NRG1: variants seen among roughly 807,000 people sequenced by gnomAD.
The protein encoded by NRG1 is neuregulin 1.
A neutral mutation model predicts 63.8 loss-of-function variants in NRG1; 18 were observed. The ratio of observed to expected loss-of-function variants is 0.28; its 90% CI spans 0.19 to 0.42. NRG1 has a LOEUF of 0.42. Ranked by LOEUF, NRG1 falls within the 10% of genes least tolerant of loss-of-function variation. The pLI, the probability that NRG1 is intolerant of heterozygous loss-of-function variation, is 1.00. For synonymous variants in NRG1, 302 were observed against 301.3 expected (o/e 1.00, Z -0.02); for missense variants, 762 against 814.7 (o/e 0.94, Z 0.79).
intron 1 of NRG1, among the ~76,000 whole-genome samples, chr8:32,499,045 C>G (rs1827551686): frequency 6.6e-6 from 1 of 152,116 alleles, no homozygotes; most frequent in Non-Finnish European, 1.5e-5. Context: ...GGGTTAGTTC[C>G]TGAGAGGTAA....
intron 6 of NRG1, among the ~76,000 whole-genome samples, chr8:32,731,219 A>G (rs1227416327): frequency 1.3e-5 from 2 of 152,160 alleles, no homozygotes; most frequent in African/African-American, 4.8e-5. Flanking sequence ...AACAACTGCA[A>G]TTTTTCTTCA....
chr8:31,727,452 T>G (rs376605063), intron 1 of NRG1, among the ~76,000 whole-genome samples: 1 of 152,182 alleles, frequency 6.6e-6, no homozygotes, highest in East Asian at 1.9e-4. Flanking sequence ...ATAAATACTT[T>G]GCTTTTCTAT....
intron 1 of NRG1, among the ~76,000 whole-genome samples, chr8:32,329,049 G>T (rs953170755): frequency 6.6e-6 from 1 of 152,148 alleles, no homozygotes. Flanking sequence ...GATCACTGCA[G>T]CCTCAACCTC....
chr8:32,279,616 G>A (rs923408591), intron 1 of NRG1, among the ~76,000 whole-genome samples: 3 of 152,242 alleles, frequency 2.0e-5, no homozygotes, highest in Non-Finnish European at 4.4e-5. Flanking sequence ...CTCCGAAAGT[G>A]CTGGGATTAC....
At chr8:32,362,111 A>T (rs1433021735) in intron 1 of NRG1, among the ~76,000 whole-genome samples, 1 of 152,178 alleles carries the variant, frequency 6.6e-6, no homozygotes, top group Non-Finnish European at 1.5e-5. Flanking sequence ...AGTTGCTGGC[A>T]TTAATTTATT....
intron 7 of NRG1, among the ~76,000 whole-genome samples, chr8:32,773,499 C>T (rs1449275995): frequency 1.3e-5 from 2 of 152,102 alleles, no homozygotes; most frequent in Non-Finnish European, 2.9e-5. Context: ...CACATTTCAC[C>T]CACTGATCAA....
intron 1 of NRG1, among the ~76,000 whole-genome samples, chr8:32,537,137 A>G (rs1046267851): frequency 1.5e-5 from 2 of 135,050 alleles, no homozygotes; most frequent in Non-Finnish European, 3.1e-5. Flanking sequence ...TGGAGGTTGC[A>G]GTGATCCCAG....
intron 1 of NRG1, among the ~76,000 whole-genome samples, chr8:32,290,123 C>T (rs917510318): frequency 2.6e-5 from 4 of 152,022 alleles, no homozygotes; most frequent in South Asian, 2.1e-4. Context: ...CACCTGTAGT[C>T]CTAGCTATTT....
intron 1 of NRG1, among the ~76,000 whole-genome samples, chr8:31,746,748 G>A (rs1013275706): frequency 2.0e-5 from 3 of 151,872 alleles, no homozygotes; most frequent in African/African-American, 7.2e-5. Context: ...TAAGATTTGG[G>A]ATCAACCTAA....
intron 1 of NRG1, among the ~76,000 whole-genome samples, chr8:32,584,223 G>GT: frequency 6.6e-6 from 1 of 152,078 alleles, no homozygotes; most frequent in Admixed American, 6.5e-5. Flanking sequence ...GTAGCACCAG[G>GT]TTTCTTACTG....
intron 1 of NRG1, among the ~76,000 whole-genome samples, chr8:32,114,947 CACTT>C (rs1347181788): frequency 6.6e-6 from 1 of 152,144 alleles, no homozygotes; most frequent in Admixed American, 6.6e-5. Context: ...AAACTGATAA[CACTT>C]ACACAGTATC....
intron 5 of NRG1, among the ~76,000 whole-genome samples, chr8:32,680,878 A>AT (rs564355961): frequency 2.0e-5 from 3 of 151,254 alleles, no homozygotes; most frequent in Non-Finnish European, 4.4e-5. Flanking sequence ...TGACCTAGGT[A>AT]TTTTTTTTTA....
intron 1 of NRG1, among the ~76,000 whole-genome samples, chr8:32,560,648 T>C (rs1836213343): frequency 6.6e-6 from 1 of 152,224 alleles, no homozygotes; most frequent in South Asian, 2.1e-4. Flanking sequence ...TTGTTATTTT[T>C]GTGGTTGAAA....
At chr8:31,778,975 T>G (rs1819421894) in intron 1 of NRG1, among the ~76,000 whole-genome samples, 1 of 152,204 alleles carries the variant, frequency 6.6e-6, no homozygotes, top group African/African-American at 2.4e-5. Context: ...TGTCTTCCAC[T>G]TATTTCCTTA....
chr8:32,718,028 T>A (rs1440102008), intron 5 of NRG1, among the ~76,000 whole-genome samples: 9 of 152,214 alleles, frequency 5.9e-5, no homozygotes. Flanking sequence ...AAACATATCA[T>A]TTCAAGCCAA....
chr8:31,712,712 A>G (rs954053897), intron 1 of NRG1, among the ~76,000 whole-genome samples: 1 of 151,912 alleles, frequency 6.6e-6, no homozygotes, highest in African/African-American at 2.4e-5. Context: ...TTTTTCTTAT[A>G]GTAACCGCAT....
At chr8:31,830,637 C>A (rs763443377) in intron 1 of NRG1, among the ~76,000 whole-genome samples, 8 of 152,038 alleles carry the variant, frequency 5.3e-5, no homozygotes, top group Non-Finnish European at 7.4e-5. Flanking sequence ...CTGGCCTTGG[C>A]TCTATTCTCA....
chr8:32,238,381 C>T (rs1847783372), intron 1 of NRG1, among the ~76,000 whole-genome samples: 1 of 150,332 alleles, frequency 6.7e-6, no homozygotes. Context: ...ATCGCTTGAA[C>T]ATGGCGGAGA....
In NRG1 at chr8:32,438,025, T is replaced by C. The variant is rs73675187; in HGVS notation, c.38-157803T>C. Among the ~76,000 whole-genome samples the C allele has an allele frequency of 3.4e-3, 521 of 152,270 alleles. 6 individuals carry two copies. Among genetic ancestry groups the C allele is most frequent in the African/African-American group, 0.012 (492 of 41,564 alleles). The stretch of plus-strand genomic sequence containing the variant: ...ATTCACATGCAGCTATAAGAAATAA[T>C]GCAAACAATACTTTTTACCCAGTTT... On this transcript the variant is annotated intron_variant, in intron 1 of 10. Transcript: ENST00000519301.
Sources: allele counts gnomAD v4.1 joint callset (sites outside exome capture counted in the v4.1 genomes callset), GRCh38; gene constraint gnomAD v4.1.1; transcripts MANE v1.5; gene names NCBI Gene and HGNC (gene_info 2026-07-23, HGNC 2026-07-21).